Variants in LZTR1 observed in about 807,000 individuals in gnomAD.
LZTR1 encodes the protein leucine zipper like post translational regulator 1.
A neutral mutation model predicts 105.7 loss-of-function variants in LZTR1; 260 were observed. The ratio of observed to expected loss-of-function variants is 2.46; its 90% CI spans 2.22 to 2.72. The LOEUF is 2.72. LZTR1 is among the 30% of genes most tolerant of loss of function. The pLI is 0.00. For synonymous variants in LZTR1, 490 were observed against 476.4 expected, an observed-to-expected ratio of 1.03 and a Z score of -0.37; for missense variants, 1,214 against 1,166.9, an observed-to-expected ratio of 1.04 and a Z score of -0.59.
chr22:20,995,235 G>A lies in LZTR1; in HGVS notation c.1942+209G>A, dbSNP rs1217940348. The A allele has an allele frequency of 1.4e-5, 10 of 703,830 alleles. No homozygotes were observed. In the Admixed American group the frequency reaches 1.4e-4, roughly 10 times the overall value. The allele number at this position is 703,830 out of a possible 1,614,324, so 43.6% of individuals were successfully genotyped here. On this transcript the variant is annotated intron_variant, in intron 16 of 20. Transcript: ENST00000646124. ...GGCTTGCCACAGTGGGCTGTGTCCTGGTGACCTGGGATTTCCTGAGCCAAT... is the reference window on the plus strand; with the variant it reads ...GGCTTGCCACAGTGGGCTGTGTCCTAGTGACCTGGGATTTCCTGAGCCAAT...
rs554321821 is a variant in LZTR1 at position 20,990,537 on chromosome 22, G to C, written c.791+12G>C. 9.4e-6 allele frequency: 15 copies of C among 1,600,256 alleles called. No individual in the cohort carries two copies. The East Asian group carries it at 3.1e-4, about 33-fold the overall frequency. On this transcript the variant is annotated intron_variant, in intron 8 of 20. Coordinates refer to ENST00000646124, the MANE Select transcript of LZTR1 (RefSeq NM_006767.4). Reference sequence around the variant, plus strand: ...TTCAAGGACAAGACGTGAGTACTCTGGCCAGTGGGGTGGAGGGAGGACGGT... The same window carrying C: ...TTCAAGGACAAGACGTGAGTACTCTCGCCAGTGGGGTGGAGGGAGGACGGT...
chr22:20,994,217 C>T lies in LZTR1; in HGVS notation c.1563C>T (p.Phe521=), dbSNP rs145974096. 6.0e-5 allele frequency: 96 copies of T among 1,601,384 alleles called. No homozygotes were observed. Among genetic ancestry groups the T allele is most frequent in the East Asian group, 4.9e-4 (22 of 44,844 alleles). The change falls in exon 14 of 21, where the codon TTC becomes TTT. Residue 521 remains phenylalanine (F), a synonymous_variant. Coordinates refer to ENST00000646124, the MANE Select transcript of LZTR1 (RefSeq NM_006767.4). ...VAIREAEARP[F]EVLMQFLYTD... Reference sequence around the variant, plus strand: ...TCCGGGAGGCCGAGGCCCGGCCCTTCGAGGTGCTCATGCAGTTCCTCTACA... The same window carrying T: ...TCCGGGAGGCCGAGGCCCGGCCCTTTGAGGTGCTCATGCAGTTCCTCTACA...
At position 20,994,607 on chromosome 22, in the gene LZTR1, G is replaced by C. The variant is rs760948342; in HGVS notation, c.1665G>C (p.Leu555=). 1.9e-6 allele frequency: 3 copies of C among 1,612,484 alleles called. No individual in the cohort carries two copies. Among genetic ancestry groups the C allele is most frequent in the African/African-American group, 2.7e-5 (2 of 74,930 alleles). The change falls in exon 15 of 21, where the codon CTG becomes CTC. Residue 555 remains leucine (L), a synonymous_variant. Transcript: ENST00000646124. Reference sequence around the variant, plus strand: ...TCATGGATGTGTACAAACTGGCACTGAGCTTCCAGTTGTGCCGCCTGGAGC... The same window carrying C: ...TCATGGATGTGTACAAACTGGCACTCAGCTTCCAGTTGTGCCGCCTGGAGC... ...LLIMDVYKLA[L]SFQLCRLEQL...
intron 16 of LZTR1, 74 bp downstream of exon 16, chr22:20,995,100 T>C (rs1375333809): frequency 1.3e-6 from 2 of 1,517,372 alleles, no homozygotes; most frequent in Non-Finnish European, 1.8e-6. Context: ...TTGGGAGCCA[T>C]GGAGAGCACC....
rs1298675165 is a variant in LZTR1, at chr22:20,998,836, A to G, written c.*1488A>G. 2 of 152,180 alleles carry G rather than the reference A, an allele frequency of 1.3e-5. No individual in the cohort carries two copies. The highest frequency in any genetic ancestry group is 4.8e-5 in the African/African-American group (2 of 41,408). The allele number at this position is 152,180 out of a possible 1,614,324, so 9.4% of individuals were successfully genotyped here. On this transcript the variant is annotated 3_prime_UTR_variant, in exon 21 of 21. Coordinates refer to ENST00000646124, the MANE Select transcript of LZTR1 (RefSeq NM_006767.4). ...TCACTCAGAGTGGGGCCACACACCCATCTACCCAGTTTCCACAAGATGTGG... is the reference window on the plus strand; with the variant it reads ...TCACTCAGAGTGGGGCCACACACCCGTCTACCCAGTTTCCACAAGATGTGG...
At chr22:20,994,788 C>A (rs1030826899) in intron 15 of LZTR1, 61 bp downstream of exon 15, 9 of 1,607,370 alleles carry the variant, frequency 5.6e-6, no homozygotes, top group African/African-American at 1.3e-5. Context: ...TAGGCCCCCT[C>A]CCTGCCCACC....
intron 1 of LZTR1, 47 bp from the exon 2 acceptor site, chr22:20,982,980 C>G (rs371643219): frequency 1.3e-5 from 20 of 1,564,362 alleles, no homozygotes; most frequent in Non-Finnish European, 1.7e-5. Flanking sequence ...CTTGGGTGCC[C>G]CCCAGGAGGG....
At chr22:20,995,701 CCAGAAT>C in intron 16 of LZTR1, 39 bp from the exon 17 acceptor site, 1 of 1,609,396 alleles carries the variant, frequency 6.2e-7, no homozygotes, top group Admixed American at 1.7e-5. Flanking sequence ...GGCCCCAAGG[CCAGAAT>C]CCCAGGCTGT....
intron 3 of LZTR1, chr22:20,986,415 TAGAAAGAA>T (rs1924384619): frequency 7.0e-6 from 1 of 143,478 alleles, no homozygotes; most frequent in South Asian, 2.2e-4. Flanking sequence ...GATAGATAGA[TAGAAAGAA>T]AGATAGATAG....
Position 20,992,301 on chromosome 22 carries a change from T to A in LZTR1, c.1081T>A (p.Ser361Thr). ...TYEERVGFKK[S>T]RDVFGLDFGT... Reference sequence around the variant, plus strand: ...TGAGGAGCGGGTTGGCTTCAAGAAGTCCCGAGATGTGTTTGGCCTGGACTT... The same window carrying A: ...TGAGGAGCGGGTTGGCTTCAAGAAGACCCGAGATGTGTTTGGCCTGGACTT... The change falls in exon 10 of 21, where the codon TCC becomes ACC. Residue 361 changes from serine (S) to threonine (T), a missense_variant. By Grantham distance (58) the Ser-to-Thr change is moderately conservative. Transcript: ENST00000646124. 6.2e-7 allele frequency: 1 copy of A among 1,613,854 alleles called. No homozygotes were observed. The highest frequency in any genetic ancestry group is 8.5e-7 in the Non-Finnish European group (1 of 1,179,934).
chr22:20,996,934 T>C lies in LZTR1; in HGVS notation c.2374T>C (p.Cys792Arg). The C allele has an allele frequency of 1.9e-6, 3 of 1,613,674 alleles. No homozygotes were observed. The highest frequency in any genetic ancestry group is 2.5e-6 in the Non-Finnish European group (3 of 1,179,930). Residue 792 changes from cysteine (C) to arginine (R), a missense_variant, in exon 20 of 21, where the codon TGC becomes CGC. Transcript: ENST00000646124. ...KTQALDMKRH[C>R]LHIIVHQFTK... is the part of the protein sequence containing the mutation. ...GCAGGCACTGGACATGAAGCGGCACTGCCTGCACATCATTGTGCACCAGTT... is the reference window on the plus strand; with the variant it reads ...GCAGGCACTGGACATGAAGCGGCACCGCCTGCACATCATTGTGCACCAGTT...
intron 3 of LZTR1, 66 bp downstream of exon 3, chr22:20,985,963 C>G: frequency 2.0e-6 from 3 of 1,508,694 alleles, no homozygotes; most frequent in Non-Finnish European, 2.8e-6. Context: ...GTGCTGGGTC[C>G]CAGTTGCTAG....
At chr22:20,993,873 C>A in intron 12 of LZTR1, 51 bp from the exon 13 acceptor site, 1 of 1,586,254 alleles carries the variant, frequency 6.3e-7, no homozygotes, top group Non-Finnish European at 8.6e-7. Context: ...GGTCTCTGTT[C>A]TCTGGGGCGA....
chr22:20,992,183 G>C, intron 9 of LZTR1, 31 bp from the exon 10 acceptor site: 1 of 1,603,546 alleles, frequency 6.2e-7, no homozygotes, highest in Non-Finnish European at 8.5e-7. Context: ...CTTGCCAACT[G>C]GTCTCATGCC....
rs1411200130 is a variant in LZTR1, at chr22:20,994,595, C to G, written c.1653C>G (p.Tyr551Ter). Residue 551 changes from tyrosine (Y) to a stop codon, truncating the protein, a stop_gained, in exon 15 of 21, where the codon TAC becomes TAG. Transcript: ENST00000646124. LOFTEE classifies it high-confidence loss of function. ...VEDVLLIMDV[Y>*]KLALSFQLCR... ...ATGTGCTGCTCATCATGGATGTGTA[C>G]AAACTGGCACTGAGCTTCCAGTTGT... 1 of 1,612,168 alleles carries G rather than the reference C, an allele frequency of 6.2e-7. No individual in the cohort carries two copies. Among genetic ancestry groups the G allele is most frequent in the African/African-American group, 1.3e-5 (1 of 74,920 alleles).
At chr22:20,994,485 G>T (rs1483297475) in intron 14 of LZTR1, 73 bp from the exon 15 acceptor site, 20 of 1,501,896 alleles carry the variant, frequency 1.3e-5, no homozygotes, top group Middle Eastern at 2.2e-4. Flanking sequence ...ACTCTTCCAT[G>T]GGGGGAGCCC....
intron 16 of LZTR1, chr22:20,995,544 G>A (rs946675104): frequency 6.8e-6 from 5 of 732,384 alleles, no homozygotes; most frequent in Admixed American, 3.8e-5. Flanking sequence ...TGGGCTGTGC[G>A]TGGGGCATAG....
At chr22:20,990,312 TCAG>T (rs1924556018) in intron 7 of LZTR1, 71 bp from the exon 8 acceptor site, 7 of 1,541,576 alleles carry the variant, frequency 4.5e-6, no homozygotes, top group Non-Finnish European at 5.4e-6. Flanking sequence ...CAGTCCCATC[TCAG>T]CAGTCTCGAG....
At chr22:20,991,151 A>G (rs1924593099) in intron 8 of LZTR1, 1 of 167,882 alleles carries the variant, frequency 6.0e-6, no homozygotes, top group Admixed American at 5.7e-5. Context: ...TTAGCAAAAG[A>G]GAGGACTTGC....
Sources: allele counts gnomAD v4.1 joint callset, GRCh38; gene constraint gnomAD v4.1.1; transcripts MANE v1.5; gene names NCBI Gene and HGNC (gene_info 2026-07-23, HGNC 2026-07-21).